The following SLC35E3 variants were observed in gnomAD, a reference collection of about 807,000 sequenced individuals.
SLC35E3 encodes the protein solute carrier family 35 member E3.
SLC35E3 carries 28 observed loss-of-function variants against 30.8 expected under a neutral mutation model. That is an observed-to-expected ratio of 0.91 (90% CI 0.67 to 1.25). SLC35E3 has a LOEUF of 1.25. Ranked by LOEUF, SLC35E3 falls within the 50% of genes most tolerant of loss-of-function variation. The pLI is 0.00. For missense variants in SLC35E3, 365 were observed against 375.4 expected (o/e 0.97, Z 0.23); for synonymous variants, 146 against 149.2 (o/e 0.98, Z 0.16).
chr12:68,779,152 C>T lies in SLC35E3; in HGVS notation c.*14262C>T, dbSNP rs149472519. Reference sequence around the variant, plus strand: ...AAACTAGGTCTTTCTCTGTGGCCGACGCTGGAGTGCAGTGCCTTTTTGCAG... The same window carrying T: ...AAACTAGGTCTTTCTCTGTGGCCGATGCTGGAGTGCAGTGCCTTTTTGCAG... On this transcript the variant is annotated 3_prime_UTR_variant, in exon 5 of 5. Coordinates refer to ENST00000398004, the MANE Select transcript of SLC35E3 (RefSeq NM_018656.5). 1,193 of 152,428 alleles carry T rather than the reference C, an allele frequency of 7.8e-3. 13 individuals are homozygous for T. Among genetic ancestry groups the T allele is most frequent in the Non-Finnish European group, 0.012 (834 of 68,194 alleles). The allele number at this position is 152,428 out of a possible 1,614,324, so 9.4% of individuals were successfully genotyped here.
chr12:68,764,663 C>A (rs769756748), intron 4 of SLC35E3, 41 bp from the exon 5 acceptor site: 1 of 1,583,388 alleles, frequency 6.3e-7, no homozygotes, highest in African/African-American at 1.3e-5. Context: ...ATATTAACAT[C>A]TATCTTGTTA....
At chr12:68,753,139 A>C (rs556979039) in intron 3 of SLC35E3, among the ~76,000 whole-genome samples, 2 of 151,302 alleles carry the variant, frequency 1.3e-5, no homozygotes, top group Non-Finnish European at 2.9e-5. Flanking sequence ...GAATTAGCTA[A>C]GTGTGATGGC....
At position 68,765,671 on chromosome 12, in the gene SLC35E3, T is replaced by A. The variant is rs919742913; in HGVS notation, c.*781T>A. On this transcript the variant is annotated 3_prime_UTR_variant, in exon 5 of 5. Coordinates refer to ENST00000398004, the MANE Select transcript of SLC35E3 (RefSeq NM_018656.5). Reference sequence around the variant, plus strand: ...GTGTGTGTATACATATATACACATATATACACACACACATACATATACATG... The same window carrying A: ...GTGTGTGTATACATATATACACATAAATACACACACACATACATATACATG... 2 of 151,454 alleles carry A rather than the reference T, an allele frequency of 1.3e-5. No individual in the cohort carries two copies. Among genetic ancestry groups the A allele is most frequent in the African/African-American group, 4.9e-5 (2 of 41,164 alleles). The allele number at this position is 151,454 out of a possible 1,614,324, so 9.4% of individuals were successfully genotyped here.
At chr12:68,756,244 AT>A (rs1003112193) in intron 3 of SLC35E3, among the ~76,000 whole-genome samples, 1 of 146,986 alleles carries the variant, frequency 6.8e-6, no homozygotes, top group African/African-American at 2.5e-5. Context: ...AGGAGAGAGG[AT>A]TTTTTTCGTA....
At chr12:68,752,735 G>A (rs1878850446) in intron 3 of SLC35E3, among the ~76,000 whole-genome samples, 1 of 152,118 alleles carries the variant, frequency 6.6e-6, no homozygotes, top group African/African-American at 2.4e-5. Context: ...GCAGGGTGTG[G>A]TGGCTCATGC....
intron 3 of SLC35E3, among the ~76,000 whole-genome samples, chr12:68,754,652 T>C (rs1878935800): frequency 6.6e-6 from 1 of 152,182 alleles, no homozygotes; most frequent in Non-Finnish European, 1.5e-5. Flanking sequence ...ATGAACAATA[T>C]TGTGATAAAC....
intron 4 of SLC35E3, among the ~76,000 whole-genome samples, chr12:68,764,370 C>T (rs1186252500): frequency 6.6e-6 from 1 of 152,216 alleles, no homozygotes; most frequent in Non-Finnish European, 1.5e-5. Context: ...CTCACTGCAA[C>T]CTCCACCTCC....
chr12:68,762,758 A>G (rs146612315), intron 4 of SLC35E3, among the ~76,000 whole-genome samples: 141 of 152,336 alleles, frequency 9.3e-4, no homozygotes, highest in African/African-American at 3.3e-3. Context: ...ATAAAACATT[A>G]TGACTATTGC....
intron 3 of SLC35E3, among the ~76,000 whole-genome samples, chr12:68,755,720 C>T (rs2136072009): frequency 6.6e-6 from 1 of 152,148 alleles, no homozygotes; most frequent in South Asian, 2.1e-4. Flanking sequence ...GAGGAAATGC[C>T]AGTCTCTTTT....
At position 68,759,146 on chromosome 12, in the gene SLC35E3, T is replaced by C. The variant is rs768091515; in HGVS notation, c.673-11T>C. 1.3e-6 allele frequency: 2 copies of C among 1,595,070 alleles called. No homozygotes were observed. The highest frequency in any genetic ancestry group is 1.1e-5 in the South Asian group (1 of 89,120). ...TGCTTTGCATTAATGGTTCTTTTGG[T>C]TTATTTGTAGCTTATGGTGCTGCTA... On this transcript the variant is annotated splice_polypyrimidine_tract_variant and intron_variant, in intron 3 of 4. Coordinates refer to ENST00000398004, the MANE Select transcript of SLC35E3 (RefSeq NM_018656.5).
rs532795316 is a variant in SLC35E3, at chr12:68,779,105, C to G, written c.*14215C>G. 2.1e-5 allele frequency: 3 copies of G among 145,912 alleles called. No individual in the cohort carries two copies. Among genetic ancestry groups the G allele is most frequent in the African/African-American group, 8.5e-5 (3 of 35,284 alleles). 9.0% of individuals were successfully genotyped at this position (145,912 alleles called of 1,614,324 possible). A position where few individuals can be genotyped will look rare whatever the true frequency, so the allele number is the denominator to read the frequency against. On this transcript the variant is annotated 3_prime_UTR_variant, in exon 5 of 5. Transcript: ENST00000398004. ...TGGGCGACAGAACAAGACTCTGTCT[C>G]AAAAACAAAAACAAAAACAAAAAAC...
rs781144626 is a variant in SLC35E3, at chr12:68,768,661, AAG to A, written c.*3775_*3776del. Reference sequence around the variant, plus strand: ...TTTCAATTTTTACCTTTTAAAAATAAAGAGAACCTCTTTTTACTTCTGTATTG... The same window carrying A: ...TTTCAATTTTTACCTTTTAAAAATAAAGAACCTCTTTTTACTTCTGTATTG... On this transcript the variant is annotated 3_prime_UTR_variant, in exon 5 of 5. Coordinates refer to ENST00000398004, the MANE Select transcript of SLC35E3 (RefSeq NM_018656.5). The A allele has an allele frequency of 2.0e-4, 30 of 152,328 alleles. No individual in the cohort carries two copies. Among genetic ancestry groups the A allele is most frequent in the Admixed American group, 5.9e-4 (9 of 15,304 alleles). 9.4% of individuals were successfully genotyped at this position (152,328 alleles called of 1,614,324 possible). A position where few individuals can be genotyped will look rare whatever the true frequency, so the allele number is the denominator to read the frequency against.
chr12:68,752,246 A>G, intron 3 of SLC35E3, 56 bp downstream of exon 3: 5 of 1,466,898 alleles, frequency 3.4e-6, no homozygotes, highest in South Asian at 2.8e-5. Context: ...CTCCTCCATT[A>G]TTAATGTAAT....
intron 2 of SLC35E3, among the ~76,000 whole-genome samples, chr12:68,750,739 C>T (rs1416919527): frequency 6.6e-6 from 1 of 152,190 alleles, no homozygotes; most frequent in East Asian, 1.9e-4. Context: ...TGCTGTGCCC[C>T]AAGGAGCAGG....
At chr12:68,762,447 T>A (rs1879260017) in intron 4 of SLC35E3, among the ~76,000 whole-genome samples, 1 of 151,996 alleles carries the variant, frequency 6.6e-6, no homozygotes, top group African/African-American at 2.4e-5. Context: ...GCAGGCCAAG[T>A]TCAAGGAGAC....
intron 1 of SLC35E3, among the ~76,000 whole-genome samples, chr12:68,747,055 G>T (rs1398182788): frequency 6.6e-6 from 1 of 152,212 alleles, no homozygotes; most frequent in Non-Finnish European, 1.5e-5. Context: ...GGGTGGTACA[G>T]TCCAGTGTTA....
Position 68,780,242 on chromosome 12 carries a change from C to T in SLC35E3, c.*15352C>T, listed in dbSNP as rs1171632708. The T allele has an allele frequency of 6.6e-6, 1 of 152,118 alleles. No individual in the cohort carries two copies. The highest frequency in any genetic ancestry group is 1.5e-5 in the Non-Finnish European group (1 of 68,046). 9.4% of individuals were successfully genotyped at this position (152,118 alleles called of 1,614,324 possible). A position where few individuals can be genotyped will look rare whatever the true frequency, so the allele number is the denominator to read the frequency against. ...GGAGTGCAGGGGCACAAACATGGCT[C>T]ACTGCAGCCTCGACCTCCCAGCCTC... On this transcript the variant is annotated 3_prime_UTR_variant, in exon 5 of 5. Coordinates refer to ENST00000398004, the MANE Select transcript of SLC35E3 (RefSeq NM_018656.5).
At position 68,771,965 on chromosome 12, in the gene SLC35E3, T is replaced by G. The variant is rs1316054068; in HGVS notation, c.*7075T>G. ...CAGATTAAAATTATAATTTCTCATTTGCTTATAATAAAAGTAGATTGAATA... is the reference window on the plus strand; with the variant it reads ...CAGATTAAAATTATAATTTCTCATTGGCTTATAATAAAAGTAGATTGAATA... On this transcript the variant is annotated 3_prime_UTR_variant, in exon 5 of 5. Coordinates refer to ENST00000398004, the MANE Select transcript of SLC35E3 (RefSeq NM_018656.5). The G allele has an allele frequency of 6.6e-6, 1 of 152,250 alleles. No homozygotes were observed. Among genetic ancestry groups the G allele is most frequent in the Non-Finnish European group, 1.5e-5 (1 of 68,044 alleles). 9.4% of individuals were successfully genotyped at this position (152,250 alleles called of 1,614,324 possible). A position where few individuals can be genotyped will look rare whatever the true frequency, so the allele number is the denominator to read the frequency against.
At chr12:68,756,113 CT>C (rs1878991492) in intron 3 of SLC35E3, among the ~76,000 whole-genome samples, 2 of 151,958 alleles carry the variant, frequency 1.3e-5, no homozygotes, top group African/African-American at 4.8e-5. Context: ...ACCATATACA[CT>C]TTTTTTCTAA....
Sources: gnomAD v4.1 joint callset for allele counts (sites outside exome capture counted in the v4.1 genomes callset) on GRCh38, gnomAD v4.1.1 for gene constraint, MANE v1.5 for transcripts, NCBI Gene and HGNC (gene_info 2026-07-23, HGNC 2026-07-21) for gene names.